Variants in CAST observed in about 807,000 individuals in gnomAD.
CAST encodes MIR583 host.
A neutral mutation model predicts 119.6 loss-of-function variants in CAST; 76 were observed. The ratio of observed to expected loss-of-function variants is 0.64; its 90% confidence interval spans 0.53 to 0.77. CAST has a LOEUF of 0.77. Ranked by LOEUF, CAST falls within the 30% of genes least tolerant of loss-of-function variation. The probability of loss-of-function intolerance (pLI) is 0.00; values close to 1 mark genes in which losing one functional copy is unlikely to be tolerated. For synonymous variants in CAST, 319 were observed against 331.6 expected (o/e 0.96, Z 0.41); for missense variants, 953 against 946.5 (o/e 1.01, Z -0.09).
the CAST span, among the ~76,000 whole-genome samples, chr5:96,150,221 C>A: frequency 6.6e-6 from 1 of 152,160 alleles, no homozygotes; most frequent in African/African-American, 2.4e-5. Context: ...GGTGTCAAGT[C>A]CCTTGGCTTT....
At chr5:96,720,170 A>G (rs17086593) in intron 3 of CAST, among the ~76,000 whole-genome samples, 11,681 of 152,266 alleles carry the variant, frequency 0.077, 501 homozygotes, top group South Asian at 0.14. Flanking sequence ...GGGGGAGCCA[A>G]TGAACTCTGG....
intron 1 of CAST, among the ~76,000 whole-genome samples, chr5:96,604,659 C>G (rs1489893646): frequency 1.3e-5 from 2 of 152,178 alleles, no homozygotes; most frequent in African/African-American, 4.8e-5. Context: ...TTGTGTAAGA[C>G]TAAATTCTAG....
the CAST span, among the ~76,000 whole-genome samples, chr5:96,216,427 A>G: frequency 6.6e-6 from 1 of 152,184 alleles, no homozygotes; most frequent in African/African-American, 2.4e-5. Flanking sequence ...CAAGAGTTGA[A>G]AAGTGGTAGT....
intron 1 of CAST, among the ~76,000 whole-genome samples, chr5:96,601,199 C>A (rs1307354322): frequency 2.0e-5 from 3 of 152,140 alleles, no homozygotes; most frequent in Non-Finnish European, 4.4e-5. Flanking sequence ...TTATTACCAC[C>A]CTTTAAAGAC....
At chr5:96,723,424 A>G (rs1758666586) in intron 4 of CAST, among the ~76,000 whole-genome samples, 1 of 152,236 alleles carries the variant, frequency 6.6e-6, no homozygotes, top group Non-Finnish European at 1.5e-5. Flanking sequence ...TATAAAAATG[A>G]AAGATTATAC....
the CAST span, among the ~76,000 whole-genome samples, chr5:96,226,886 A>G: frequency 2.6e-4 from 40 of 152,338 alleles, 1 homozygote; most frequent in African/African-American, 8.7e-4. Flanking sequence ...ATATTCCCAT[A>G]GAATATCTTG....
chr5:95,963,958 G>A, the CAST span, among the ~76,000 whole-genome samples: 2 of 152,042 alleles, frequency 1.3e-5, no homozygotes, highest in African/African-American at 4.8e-5. Flanking sequence ...GATGGTTTTC[G>A]TTGTAGTTTT....
chr5:96,765,235 C>A lies in CAST; in HGVS notation c.1947C>A (p.Asp649Glu). ...PPRDTSQSDK[D>E]LDDALDKLSD... ...TTACTTTTCAGCAGAGTGACAAAGACCTCGATGATGCCTTGGATAAACTCT... is the reference window on the plus strand; with the variant it reads ...TTACTTTTCAGCAGAGTGACAAAGAACTCGATGATGCCTTGGATAAACTCT... The change falls in exon 26 of 32, where the codon GAC becomes GAA. Residue 649 changes from aspartate (D) to glutamate (E), a missense_variant. Coordinates refer to ENST00000675179, the MANE Select transcript of CAST (RefSeq NM_001750.7). 1 of 1,601,530 alleles carries A rather than the reference C, an allele frequency of 6.2e-7. No individual in the cohort carries two copies. Among genetic ancestry groups the A allele is most frequent in the Non-Finnish European group, 8.5e-7 (1 of 1,171,412 alleles).
chr5:96,429,097 T>C, the CAST span: 200 of 665,186 alleles, frequency 3.0e-4, no homozygotes, highest in Non-Finnish European at 4.4e-4. Flanking sequence ...AGATAAACAA[T>C]CTTGGTCACA....
At chr5:96,272,451 T>C in the CAST span, among the ~76,000 whole-genome samples, 1 of 152,288 alleles carries the variant, frequency 6.6e-6, no homozygotes, top group Admixed American at 6.5e-5. Context: ...ATCCTTTCAT[T>C]TGCAGCAAGC....
rs748492267 is a variant in CAST at position 96,762,257 on chromosome 5, A to T, written c.1834-17A>T. On this transcript the variant is annotated splice_polypyrimidine_tract_variant and intron_variant, in intron 24 of 31. Transcript: ENST00000675179. ...TTATATACAACATGTTACTAATAAAATTTTTTTCAATAAAAGAAATTTGAA... is the reference window on the plus strand; with the variant it reads ...TTATATACAACATGTTACTAATAAATTTTTTTTCAATAAAAGAAATTTGAA... 1 of 1,575,410 alleles carries T rather than the reference A, an allele frequency of 6.3e-7. No individual in the cohort carries two copies. Among genetic ancestry groups the T allele is most frequent in the Non-Finnish European group, 8.7e-7 (1 of 1,155,270 alleles).
At chr5:96,602,262 C>G (rs1309441704) in intron 1 of CAST, among the ~76,000 whole-genome samples, 1 of 150,538 alleles carries the variant, frequency 6.6e-6, no homozygotes, top group Non-Finnish European at 1.5e-5. Flanking sequence ...TAATTCCATG[C>G]AGTGATTGCA....
chr5:96,190,247 GC>G, the CAST span, among the ~76,000 whole-genome samples: 4 of 152,132 alleles, frequency 2.6e-5, no homozygotes, highest in African/African-American at 9.7e-5. Flanking sequence ...ATCTTTAGGT[GC>G]CTGCGCTGGT....
chr5:96,678,532 G>A (rs565755572), intron 2 of CAST, among the ~76,000 whole-genome samples: 9 of 152,204 alleles, frequency 5.9e-5, no homozygotes, highest in East Asian at 1.9e-4. Flanking sequence ...GAGAACCACC[G>A]TTATATTGCC....
At chr5:95,981,921 C>T in the CAST span, among the ~76,000 whole-genome samples, 9 of 151,896 alleles carry the variant, frequency 5.9e-5, no homozygotes, top group East Asian at 1.7e-3. Context: ...TATAGACTAA[C>T]AAGAAGTTGG....
chr5:96,125,674 A>G, the CAST span, among the ~76,000 whole-genome samples: 1 of 152,182 alleles, frequency 6.6e-6, no homozygotes, highest in African/African-American at 2.4e-5. Flanking sequence ...CACTCAGCTT[A>G]AAGTGCTCAG....
At chr5:96,603,759 C>CTTTTTTT (rs70981832) in intron 1 of CAST, among the ~76,000 whole-genome samples, 15 of 79,516 alleles carry the variant, frequency 1.9e-4, no homozygotes, top group Non-Finnish European at 2.0e-4. Context: ...GTGCTGTACT[C>CTTTTTTT]TTTTTTTTTT....
At chr5:96,182,861 G>A in the CAST span, among the ~76,000 whole-genome samples, 8 of 152,084 alleles carry the variant, frequency 5.3e-5, no homozygotes, top group African/African-American at 1.2e-4. Flanking sequence ...GTTTCTGGCC[G>A]GGCATGGTGG....
At chr5:95,994,913 C>T in the CAST span, among the ~76,000 whole-genome samples, 1 of 152,064 alleles carries the variant, frequency 6.6e-6, no homozygotes, top group Non-Finnish European at 1.5e-5. Flanking sequence ...TGAGAATCAT[C>T]ACATAAAGGA....
Sources: gnomAD v4.1 joint callset for allele counts (sites outside exome capture counted in the v4.1 genomes callset) on GRCh38, gnomAD v4.1.1 for gene constraint, MANE v1.5 for transcripts, NCBI Gene and HGNC (gene_info 2026-07-23, HGNC 2026-07-21) for gene names.